ULK4: variants seen among roughly 807,000 people sequenced by gnomAD.
ULK4 encodes unc-51 like kinase 4, also known as inactive serine/threonine-protein kinase ULK4.
A neutral mutation model predicts 160.6 loss-of-function variants in ULK4; 133 were observed. The observed-to-expected ratio is 0.83, with a 90% CI of 0.72 to 0.96. The LOEUF (loss-of-function observed/expected upper bound fraction) is 0.96. Among genes scored for constraint, ULK4 ranks in the 40% least tolerant of loss-of-function variants. The probability of loss-of-function intolerance (pLI) is 0.00; values close to 1 mark genes in which losing one functional copy is unlikely to be tolerated. For synonymous variants in ULK4, 534 were observed against 539.8 expected, an observed-to-expected ratio of 0.99 and a Z score of 0.15; for missense variants, 1,580 against 1,499.5, an observed-to-expected ratio of 1.05 and a Z score of -0.89.
intron 34 of ULK4, among the ~76,000 whole-genome samples, chr3:41,432,718 G>T (rs1288609788): frequency 6.6e-6 from 1 of 152,118 alleles, no homozygotes; most frequent in African/African-American, 2.4e-5. Context: ...TTCATCCAAA[G>T]AAATGATAAT....
In ULK4 at chr3:41,652,867, T is replaced by G. The variant is rs959260322; in HGVS notation, c.3071+10740A>C. Among the ~76,000 whole-genome samples the G allele has an allele frequency of 3.3e-5, 5 of 152,326 alleles. No homozygotes were observed. The South Asian group carries it at 1.0e-3, about 32-fold the overall frequency. The stretch of plus-strand genomic sequence containing the variant: ...GCTGAGTAGTACAAAGCACCATGAA[T>G]AAACCAGGAGATGTGAACCCAAAAT... On this transcript the variant is annotated intron_variant, in intron 30 of 36. Transcript: ENST00000301831.
At chr3:41,272,971 T>C (rs1039280468) in intron 35 of ULK4, among the ~76,000 whole-genome samples, 5 of 152,224 alleles carry the variant, frequency 3.3e-5, no homozygotes, top group South Asian at 2.1e-4. Flanking sequence ...TTTGAACATA[T>C]GGAATAGAGT....
At chr3:41,764,395 T>C (rs73071315) in intron 21 of ULK4, among the ~76,000 whole-genome samples, 18,836 of 152,094 alleles carry the variant, frequency 0.12, 1,341 homozygotes, top group Middle Eastern at 0.27. Flanking sequence ...TCTACTATAA[T>C]TACAGTATAA....
chr3:41,825,337 G>T (rs2041307699), intron 18 of ULK4, among the ~76,000 whole-genome samples: 1 of 152,224 alleles, frequency 6.6e-6, no homozygotes, highest in African/African-American at 2.4e-5. Flanking sequence ...GTTGAGAGAA[G>T]AAGGCTTCAG....
chr3:41,959,396 G>A (rs562915877), intron 1 of ULK4, among the ~76,000 whole-genome samples: 3 of 150,088 alleles, frequency 2.0e-5, no homozygotes, highest in East Asian at 2.0e-4. Flanking sequence ...GCATGGTGGC[G>A]GGCGCCTGTA....
intron 21 of ULK4, among the ~76,000 whole-genome samples, chr3:41,757,614 A>G (rs1307508869): frequency 7.0e-6 from 1 of 143,122 alleles, no homozygotes; most frequent in Non-Finnish European, 1.5e-5. Context: ...CCTGCGCAAC[A>G]GAGCGAGACT....
At chr3:41,312,482 C>T (rs1233804863) in intron 35 of ULK4, among the ~76,000 whole-genome samples, 1 of 151,994 alleles carries the variant, frequency 6.6e-6, no homozygotes, top group East Asian at 1.9e-4. Flanking sequence ...AGAACTAAGT[C>T]ATAATAAAAA....
intron 31 of ULK4, among the ~76,000 whole-genome samples, chr3:41,572,162 G>C (rs982936927): frequency 1.3e-5 from 2 of 152,148 alleles, no homozygotes; most frequent in African/African-American, 4.8e-5. Context: ...CTGGGATTTG[G>C]TCTATGGGAT....
At chr3:41,629,660 C>T (rs145927367) in intron 30 of ULK4, among the ~76,000 whole-genome samples, 64 of 152,196 alleles carry the variant, frequency 4.2e-4, no homozygotes, top group Non-Finnish European at 8.2e-4. Flanking sequence ...ATATGATCTA[C>T]TACAGTATGA....
At chr3:41,858,239 C>T (rs187216215) in intron 17 of ULK4, among the ~76,000 whole-genome samples, 40 of 148,834 alleles carry the variant, frequency 2.7e-4, no homozygotes, top group African/African-American at 9.8e-4. Flanking sequence ...CAAGCCTCCA[C>T]CACCCAGGTT....
intron 22 of ULK4, among the ~76,000 whole-genome samples, chr3:41,751,001 G>GT: frequency 7.2e-6 from 1 of 138,216 alleles, no homozygotes; most frequent in African/African-American, 2.9e-5. Flanking sequence ...AGAGAGAGAG[G>GT]AAGGGAGGGA....
chr3:41,472,552 G>C (rs1435096702), intron 32 of ULK4, among the ~76,000 whole-genome samples: 1 of 150,006 alleles, frequency 6.7e-6, no homozygotes, highest in African/African-American at 2.5e-5. Context: ...CTGGGTGACA[G>C]AGTGGGACTG....
intron 21 of ULK4, among the ~76,000 whole-genome samples, chr3:41,775,072 G>A (rs1337738976): frequency 7.2e-6 from 1 of 138,178 alleles, no homozygotes; most frequent in East Asian, 2.2e-4. Flanking sequence ...GGGACGTTGT[G>A]AGGTGGAGGG....
At chr3:41,509,411 G>C (rs2085496129) in intron 32 of ULK4, among the ~76,000 whole-genome samples, 1 of 152,152 alleles carries the variant, frequency 6.6e-6, no homozygotes, top group African/African-American at 2.4e-5. Flanking sequence ...TAAGAGAATA[G>C]TCAAGGAAAA....
At chr3:41,775,212 T>A (rs1290988061) in intron 21 of ULK4, among the ~76,000 whole-genome samples, 1 of 149,270 alleles carries the variant, frequency 6.7e-6, no homozygotes, top group African/African-American at 2.5e-5. Context: ...CCTAAAAGTA[T>A]AATAATAATA....
intron 35 of ULK4, among the ~76,000 whole-genome samples, chr3:41,272,778 T>C (rs1336138683): frequency 6.6e-6 from 1 of 152,214 alleles, no homozygotes; most frequent in African/African-American, 2.4e-5. Flanking sequence ...CAGTTATCTT[T>C]ATTTATTTCT....
chr3:41,908,867 C>G (rs992071156), intron 11 of ULK4, among the ~76,000 whole-genome samples: 1 of 151,988 alleles, frequency 6.6e-6, no homozygotes, highest in African/African-American at 2.4e-5. Context: ...CCGAGGTGGT[C>G]AGATCACTTG....
At chr3:41,767,162 TC>T (rs1180798984) in intron 21 of ULK4, among the ~76,000 whole-genome samples, 1 of 152,218 alleles carries the variant, frequency 6.6e-6, no homozygotes, top group Non-Finnish European at 1.5e-5. Flanking sequence ...TTTAAAGACA[TC>T]CTTTTTGTCC....
rs570775565 is a variant in ULK4, at chr3:41,833,588, G to A, written c.1764+2276C>T. Among the ~76,000 whole-genome samples the A allele has an allele frequency of 2.0e-3, 311 of 152,198 alleles. 4 individuals are homozygous for A. Among genetic ancestry groups the A allele is most frequent in the African/African-American group, 6.9e-3 (287 of 41,536 alleles). On this transcript the variant is annotated intron_variant, in intron 18 of 36. Transcript: ENST00000301831. ...TAGGATTGCAGGCGTGAGCCACTGC[G>A]CCCAGCCAAGTATTTTATTCTCTTT...
Sources: gnomAD v4.1 joint callset for allele counts (sites outside exome capture counted in the v4.1 genomes callset) on GRCh38, gnomAD v4.1.1 for gene constraint, MANE v1.5 for transcripts, NCBI Gene and HGNC (gene_info 2026-07-23, HGNC 2026-07-21) for gene names.